CTNNA2: variants seen among roughly 807,000 people sequenced by gnomAD.
CTNNA2 encodes catenin alpha 2.
In CTNNA2, 42 loss-of-function variants were observed where a neutral mutation model predicts 101.0. That is an observed-to-expected ratio of 0.42 (90% confidence interval 0.32 to 0.54). The LOEUF (loss-of-function observed/expected upper bound fraction) is 0.54, where lower values mean the gene tolerates loss of function less well. CTNNA2 is among the 20% of genes least tolerant of loss of function. The pLI is 0.14. For missense variants in CTNNA2, 871 were observed against 1,223.1 expected (o/e 0.71, Z 4.29); for synonymous variants, 450 against 456.4 (o/e 0.99, Z 0.18).
At chr2:79,279,499 C>G (rs1675304528) in intron 2 of CTNNA2, among the ~76,000 whole-genome samples, 1 of 152,096 alleles carries the variant, frequency 6.6e-6, no homozygotes, top group Non-Finnish European at 1.5e-5. Context: ...GTAACTGACA[C>G]AAAGGCACAG....
intron 7 of CTNNA2, among the ~76,000 whole-genome samples, chr2:79,928,856 G>T (rs1405929271): frequency 1.3e-5 from 2 of 152,120 alleles, no homozygotes; most frequent in Non-Finnish European, 2.9e-5. Flanking sequence ...GAAAAAAAAT[G>T]TTAATAGTTA....
At chr2:79,917,158 GCCTC>G (rs1028100647) in intron 7 of CTNNA2, among the ~76,000 whole-genome samples, 8 of 151,266 alleles carry the variant, frequency 5.3e-5, no homozygotes, top group African/African-American at 1.7e-4. Flanking sequence ...TGCAACTTCA[GCCTC>G]CCAGGTTCAA....
chr2:80,182,398 G>A (rs573369500), intron 7 of CTNNA2, among the ~76,000 whole-genome samples: 1 of 152,118 alleles, frequency 6.6e-6, no homozygotes, highest in Non-Finnish European at 1.5e-5. Context: ...TAAATGTTGG[G>A]TCTGCCTCTC....
chr2:79,841,578 A>C (rs1679817777), intron 3 of CTNNA2, among the ~76,000 whole-genome samples: 1 of 152,206 alleles, frequency 6.6e-6, no homozygotes. Context: ...ATTAGTGGGC[A>C]CACGTGCAAA....
chr2:79,558,380 G>T, intron 1 of CTNNA2, among the ~76,000 whole-genome samples: 1 of 151,626 alleles, frequency 6.6e-6, no homozygotes, highest in Non-Finnish European at 1.5e-5. Flanking sequence ...CCAAAATTCA[G>T]GTTTTACAAA....
chr2:79,991,487 GA>G (rs1431799793), intron 7 of CTNNA2, among the ~76,000 whole-genome samples: 5 of 152,066 alleles, frequency 3.3e-5, no homozygotes, highest in African/African-American at 1.2e-4. Flanking sequence ...CCTCATCTGT[GA>G]AATGAACAAC....
At chr2:80,207,368 T>C (rs1201328636) in intron 7 of CTNNA2, among the ~76,000 whole-genome samples, 1 of 152,228 alleles carries the variant, frequency 6.6e-6, no homozygotes, top group Non-Finnish European at 1.5e-5. Context: ...TTTGAATTTA[T>C]GCTGAAGGCA....
intron 18 of CTNNA2, among the ~76,000 whole-genome samples, chr2:80,644,581 G>T (rs1025438266): frequency 6.6e-6 from 1 of 152,154 alleles, no homozygotes; most frequent in African/African-American, 2.4e-5. Context: ...AAATTGGAAA[G>T]AATTGTGATT....
chr2:80,287,797 A>G (rs1674902803), intron 7 of CTNNA2, among the ~76,000 whole-genome samples: 2 of 152,144 alleles, frequency 1.3e-5, no homozygotes, highest in Non-Finnish European at 2.9e-5. Flanking sequence ...GCTGACAAAC[A>G]TGACAAAGGG....
chr2:79,717,351 C>T (rs770762902), intron 2 of CTNNA2, among the ~76,000 whole-genome samples: 1 of 152,156 alleles, frequency 6.6e-6, no homozygotes, highest in Non-Finnish European at 1.5e-5. Flanking sequence ...AGGTGTCCTT[C>T]GACTTTTAAT....
At chr2:79,809,603 A>G (rs777563823) in intron 3 of CTNNA2, among the ~76,000 whole-genome samples, 4 of 152,120 alleles carry the variant, frequency 2.6e-5, no homozygotes, top group Non-Finnish European at 2.9e-5. Flanking sequence ...AGAAGTGTCT[A>G]TTCATATCCT....
intron 2 of CTNNA2, among the ~76,000 whole-genome samples, chr2:79,732,851 G>A (rs986309479): frequency 2.0e-5 from 3 of 151,958 alleles, no homozygotes; most frequent in Admixed American, 6.6e-5. Context: ...TGGCTTCTTC[G>A]TCTTTAACAC....
intron 1 of CTNNA2, among the ~76,000 whole-genome samples, chr2:79,588,566 A>T (rs1409392514): frequency 6.6e-6 from 1 of 152,198 alleles, no homozygotes; most frequent in Non-Finnish European, 1.5e-5. Flanking sequence ...AAATTAATTA[A>T]ACCATAGTGT....
chr2:80,435,744 T>A (rs1221195199), intron 9 of CTNNA2, among the ~76,000 whole-genome samples: 1 of 152,196 alleles, frequency 6.6e-6, no homozygotes, highest in African/African-American at 2.4e-5. Flanking sequence ...TAGTTCATAC[T>A]CCATAAGCGC....
At chr2:79,846,349 A>G (rs1184075912) in intron 3 of CTNNA2, among the ~76,000 whole-genome samples, 1 of 152,226 alleles carries the variant, frequency 6.6e-6, no homozygotes. Context: ...GCTGTAGTCT[A>G]TAAGATGCAA....
chr2:80,183,086 G>A (rs1428257200), intron 7 of CTNNA2, among the ~76,000 whole-genome samples: 1 of 152,042 alleles, frequency 6.6e-6, no homozygotes, highest in Non-Finnish European at 1.5e-5. Context: ...TGGTATTCCT[G>A]GTATTATTCC....
chr2:80,233,207 T>C (rs549860368), intron 7 of CTNNA2, among the ~76,000 whole-genome samples: 83 of 152,222 alleles, frequency 5.5e-4, no homozygotes, highest in African/African-American at 1.8e-3. Context: ...TTGAGGACTC[T>C]GGCCTTGGTA....
intron 1 of CTNNA2, among the ~76,000 whole-genome samples, chr2:79,534,530 A>G (rs1211125009): frequency 6.7e-6 from 1 of 148,934 alleles, no homozygotes; most frequent in Non-Finnish European, 1.5e-5. Flanking sequence ...ACTTGTGAAC[A>G]GTTTTTTTTT....
At chr2:79,539,245 G>C in intron 1 of CTNNA2, among the ~76,000 whole-genome samples, 1 of 152,172 alleles carries the variant, frequency 6.6e-6, no homozygotes, top group Admixed American at 6.5e-5. Context: ...ATGGCAGGAA[G>C]TAGCCTTTCT....
Sources: allele counts gnomAD v4.1 joint callset (sites outside exome capture counted in the v4.1 genomes callset), GRCh38; gene constraint gnomAD v4.1.1; transcripts MANE v1.5; gene names NCBI Gene and HGNC (gene_info 2026-07-23, HGNC 2026-07-21).